The following GSTT4 variants were observed in gnomAD, a reference collection of about 807,000 sequenced individuals.
The protein encoded by GSTT4 is glutathione S-transferase theta 4.
chr22:23,989,847 G>A, the GSTT4 span, among the ~76,000 whole-genome samples: 3 of 149,844 alleles, frequency 2.0e-5, no homozygotes, highest in African/African-American at 7.3e-5. Context: ...CCAGGCTCCA[G>A]TCTGATCATA....
the GSTT4 span, among the ~76,000 whole-genome samples, chr22:23,993,021 C>G: frequency 5.3e-5 from 8 of 152,170 alleles, no homozygotes; most frequent in Admixed American, 5.2e-4. Flanking sequence ...GATCCTCCCA[C>G]CTCAGCCTCC....
At chr22:23,992,488 G>C in the GSTT4 span, among the ~76,000 whole-genome samples, 5 of 150,480 alleles carry the variant, frequency 3.3e-5, no homozygotes, top group African/African-American at 1.2e-4. Context: ...CCACACTCAA[G>C]GGGAGGGGAC....
chr22:23,995,518 A>T (rs1601569832), downstream of GSTT4, among the ~76,000 whole-genome samples: 1 of 152,166 alleles, frequency 6.6e-6, no homozygotes, highest in African/African-American at 2.4e-5. Flanking sequence ...ACTTCATCAG[A>T]CCCTGAGATT....
At chr22:24,003,177 A>T (rs1181511574) in intron 2 of GSTT4, among the ~76,000 whole-genome samples, 1 of 87,826 alleles carries the variant, frequency 1.1e-5, no homozygotes, top group African/African-American at 3.8e-5. Flanking sequence ...TTATCTCTGA[A>T]AAGTATGTTC....
downstream of GSTT4, among the ~76,000 whole-genome samples, chr22:23,995,899 A>G (rs2034110931): frequency 6.6e-6 from 1 of 152,072 alleles, no homozygotes; most frequent in Non-Finnish European, 1.5e-5. Context: ...GCAAATGTAT[A>G]CTATTGATTT....
intron 2 of GSTT4, among the ~76,000 whole-genome samples, chr22:24,002,830 CAA>C (rs57115393): frequency 4.4e-5 from 4 of 90,018 alleles, no homozygotes; most frequent in Admixed American, 1.4e-4. Flanking sequence ...GACTCCGTCT[CAA>C]AAAAAAAAAA....
the GSTT4 span, chr22:23,991,452 G>C: frequency 3.2e-5 from 2 of 63,140 alleles, 1 homozygote; most frequent in East Asian, 5.3e-4. Context: ...GTGGGGCGTC[G>C]GAGGGCAGAC....
At chr22:23,992,711 A>G in the GSTT4 span, among the ~76,000 whole-genome samples, 2,583 of 89,776 alleles carry the variant, frequency 0.029, no homozygotes, top group Middle Eastern at 0.042. Context: ...CAGTGATGGG[A>G]CCACTAACAG....
At chr22:24,002,347 G>T (rs2034249741) in intron 2 of GSTT4, among the ~76,000 whole-genome samples, 3 of 152,278 alleles carry the variant, frequency 2.0e-5, no homozygotes, top group Non-Finnish European at 4.4e-5. Context: ...AGAGGGAAGG[G>T]GATGGAGGGG....
In GSTT4 at chr22:23,999,977, T is replaced by G. The variant is rs894706645; in HGVS notation, c.528+98A>C. The stretch of plus-strand genomic sequence containing the variant: ...CCCCCATGGCAGCTCTGCCTGCCTT[T>G]CCCGCCTCACCAGCCTATCCTCAAG... On this transcript the variant is annotated intron_variant, in intron 4 of 4. Coordinates refer to ENST00000621179, the MANE Select transcript of GSTT4 (RefSeq NM_001358664.2). 1.9e-5 allele frequency: 3 copies of G among 154,956 alleles called. No individual in the cohort carries two copies. The Admixed American group carries it at 2.0e-4, about 10-fold the overall frequency. 9.6% of individuals were successfully genotyped at this position (154,956 alleles called of 1,614,324 possible).
At chr22:24,002,002 A>G (rs1323125888) in intron 2 of GSTT4, among the ~76,000 whole-genome samples, 1 of 152,262 alleles carries the variant, frequency 6.6e-6, no homozygotes, top group Admixed American at 6.5e-5. Flanking sequence ...AAAAACCAAC[A>G]AAGAAAAACA....
At chr22:23,995,222 T>G (rs2034104747), downstream of GSTT4, among the ~76,000 whole-genome samples, 1 of 151,526 alleles carries the variant, frequency 6.6e-6, no homozygotes, top group South Asian at 2.1e-4. Flanking sequence ...AATCTCTGCT[T>G]CCCGGATTCA....
chr22:23,996,132 C>T (rs1569036708), downstream of GSTT4, among the ~76,000 whole-genome samples: 1 of 151,944 alleles, frequency 6.6e-6, no homozygotes, highest in East Asian at 1.9e-4. Context: ...TTAGTAGAGA[C>T]GGGGTTTCAC....
At chr22:24,003,256 C>T (rs919502783) in intron 2 of GSTT4, among the ~76,000 whole-genome samples, 7 of 80,356 alleles carry the variant, frequency 8.7e-5, no homozygotes, top group African/African-American at 2.9e-4. Flanking sequence ...CTGTTGCCCA[C>T]GCTGAAGTGC....
intron 4 of GSTT4, among the ~76,000 whole-genome samples, chr22:23,999,074 T>C (rs2146226349): frequency 6.6e-6 from 1 of 152,280 alleles, no homozygotes; most frequent in Non-Finnish European, 1.5e-5. Context: ...ATCCCAGGTG[T>C]GTATATGTGG....
chr22:24,002,666 T>C (rs1330890546), intron 2 of GSTT4, among the ~76,000 whole-genome samples: 1 of 151,754 alleles, frequency 6.6e-6, no homozygotes, highest in African/African-American at 2.4e-5. Flanking sequence ...CCGTCTCTAC[T>C]AAAAATACAA....
chr22:24,000,687 T>C (rs1266043269), intron 3 of GSTT4, among the ~76,000 whole-genome samples: 1 of 143,334 alleles, frequency 7.0e-6, no homozygotes, highest in Non-Finnish European at 1.5e-5. Context: ...GCGTCCTGAG[T>C]AGCTGGGATT....
At chr22:23,999,894 C>T (rs1390211335) in intron 4 of GSTT4, among the ~76,000 whole-genome samples, 181 bp downstream of exon 4, 1 of 152,204 alleles carries the variant, frequency 6.6e-6, no homozygotes, top group Non-Finnish European at 1.5e-5. Flanking sequence ...TGATTCATAA[C>T]ATTCTGTGCT....
rs2034290864 is a variant in GSTT4 at position 24,003,800 on chromosome 22, G to C, written c.160C>G (p.Leu54Val). 1 of 155,890 alleles carries C rather than the reference G, an allele frequency of 6.4e-6. No homozygotes were observed. Among genetic ancestry groups the C allele is most frequent in the African/African-American group, 2.4e-5 (1 of 41,558 alleles). The allele number at this position is 155,890 out of a possible 1,614,324, so 9.7% of individuals were successfully genotyped here. A position where few individuals can be genotyped will look rare whatever the true frequency, so the allele number is the denominator to read the frequency against. Residue 54 changes from leucine to valine, a missense_variant, in exon 2 of 5, where the codon CTG (leucine) becomes GTG (valine). Leu to Val is a conservative substitution (Grantham distance 32). Coordinates refer to ENST00000621179, the MANE Select transcript of GSTT4 (RefSeq NM_001358664.2). ...AATTTCCCATCTTTGAGGCTGGGCAGCTTCCTGAGGGGGTTGATGTCAATG... is the reference window on the plus strand; with the variant it reads ...AATTTCCCATCTTTGAGGCTGGGCACCTTCCTGAGGGGGTTGATGTCAATG... ...GYIDINPLRK[L>V]PSLKDGKFIL...
Sources: allele counts gnomAD v4.1 joint callset (sites outside exome capture counted in the v4.1 genomes callset), GRCh38; gene constraint gnomAD v4.1.1; transcripts MANE v1.5; gene names NCBI Gene and HGNC (gene_info 2026-07-23, HGNC 2026-07-21).